The following COL14A1 variants were observed in gnomAD, a reference collection of about 807,000 sequenced individuals.
COL14A1 encodes the protein collagen alpha-1(XIV) chain.
Under a neutral mutation model 230.3 loss-of-function variants are expected in COL14A1, and 136 were observed. That is an observed-to-expected ratio of 0.59 (90% confidence interval 0.51 to 0.68). The LOEUF (loss-of-function observed/expected upper bound fraction) is 0.68, where lower values mean the gene tolerates loss of function less well. Ranked by LOEUF, COL14A1 falls within the 30% of genes least tolerant of loss-of-function variation. The pLI is 0.00. For missense variants in COL14A1, 1,976 were observed against 2,215.8 expected, an observed-to-expected ratio of 0.89 and a Z score of 2.17; for synonymous variants, 792 against 784.1, an observed-to-expected ratio of 1.01 and a Z score of -0.17.
At chr8:120,142,867 G>T (rs1193655100) in intron 1 of COL14A1, among the ~76,000 whole-genome samples, 1 of 152,082 alleles carries the variant, frequency 6.6e-6, no homozygotes, top group East Asian at 1.9e-4. Context: ...ATTTTTTTAT[G>T]AATGGTTGCT....
Position 120,134,305 on chromosome 8 carries a change from TAATA to T in COL14A1, c.-38+8966_-38+8969del, listed in dbSNP as rs1814639174. On this transcript the variant is annotated intron_variant, in intron 1 of 47. Transcript: ENST00000297848. Reference sequence around the variant, plus strand: ...TAAAGTTTTGATATTTACAATTACTTAATAGTCACACATAAATAGAAAATCGATA... The same window carrying T: ...TAAAGTTTTGATATTTACAATTACTTGTCACACATAAATAGAAAATCGATA... 2.6e-5 allele frequency among the ~76,000 whole-genome samples: 4 copies of T among 152,070 alleles called. No individual in the cohort carries two copies. The South Asian group carries it at 6.2e-4, about 24-fold the overall frequency.
chr8:120,179,136 A>G (rs1816382282), intron 5 of COL14A1, among the ~76,000 whole-genome samples: 1 of 152,152 alleles, frequency 6.6e-6, no homozygotes, highest in Non-Finnish European at 1.5e-5. Flanking sequence ...TGTTTTAGTC[A>G]TGAAGTCTTT....
intron 34 of COL14A1, among the ~76,000 whole-genome samples, chr8:120,289,974 C>A (rs994547095): frequency 1.3e-5 from 2 of 152,034 alleles, no homozygotes; most frequent in African/African-American, 2.4e-5. Context: ...ACATTCAAAG[C>A]TTGTGGTAGT....
chr8:120,329,527 C>T (rs1381193135), intron 40 of COL14A1, among the ~76,000 whole-genome samples: 1 of 152,112 alleles, frequency 6.6e-6, no homozygotes, highest in African/African-American at 2.4e-5. Context: ...GGATTTCTTG[C>T]ATCCAGGAGG....
chr8:120,282,637 A>G (rs1044438954), intron 31 of COL14A1, among the ~76,000 whole-genome samples: 2 of 152,220 alleles, frequency 1.3e-5, no homozygotes, highest in Non-Finnish European at 2.9e-5. Context: ...TTGCACATTT[A>G]TTTATTCAAT....
At chr8:120,137,438 T>C (rs1372697220) in intron 1 of COL14A1, among the ~76,000 whole-genome samples, 1 of 152,102 alleles carries the variant, frequency 6.6e-6, no homozygotes, top group East Asian at 1.9e-4. Flanking sequence ...TTTCTACTAA[T>C]GTTTTCTATT....
intron 34 of COL14A1, among the ~76,000 whole-genome samples, chr8:120,294,288 C>T (rs1586838788): frequency 6.6e-6 from 1 of 151,722 alleles, no homozygotes. Flanking sequence ...TTCCTGCTAA[C>T]ATTTGACCCC....
At position 120,332,198 on chromosome 8, in the gene COL14A1, A is replaced by G. The variant is rs369516602; in HGVS notation, c.4713+4A>G. On this transcript the variant is annotated splice_donor_region_variant and intron_variant, in intron 41 of 47. Transcript: ENST00000297848. ...TCCAGGACCACCAGGGCCAATAGTA[A>G]GCCTTTCCAGAAACTACTGGGACAT... 9.3e-6 allele frequency: 15 copies of G among 1,613,674 alleles called. No individual in the cohort carries two copies. In the African/African-American group the frequency reaches 2.0e-4, roughly 22 times the overall value.
intron 31 of COL14A1, among the ~76,000 whole-genome samples, chr8:120,282,083 C>A (rs1820056617): frequency 1.3e-5 from 2 of 152,064 alleles, no homozygotes; most frequent in Non-Finnish European, 2.9e-5. Context: ...TGGAACCAAC[C>A]CAAATGTCCA....
intron 17 of COL14A1, among the ~76,000 whole-genome samples, chr8:120,228,004 C>G (rs1456302407): frequency 6.6e-6 from 1 of 152,140 alleles, no homozygotes; most frequent in Non-Finnish European, 1.5e-5. Flanking sequence ...AAACTGAACC[C>G]TCAGCTAATC....
chr8:120,206,429 C>A (rs139250037), intron 9 of COL14A1, among the ~76,000 whole-genome samples: 1 of 152,348 alleles, frequency 6.6e-6, no homozygotes, highest in East Asian at 1.9e-4. Context: ...CGGCTCACTG[C>A]AACCTCTGCC....
intron 1 of COL14A1, among the ~76,000 whole-genome samples, chr8:120,144,496 C>T (rs553930597): frequency 1.4e-3 from 216 of 152,138 alleles, no homozygotes; most frequent in Non-Finnish European, 2.5e-3. Context: ...GTTCAGCATC[C>T]GTTCTTGATT....
At chr8:120,340,052 A>C (rs1822235411) in intron 42 of COL14A1, among the ~76,000 whole-genome samples, 1 of 151,260 alleles carries the variant, frequency 6.6e-6, no homozygotes, top group African/African-American at 2.4e-5. Context: ...AAAAAAAAAA[A>C]AAAAAAGTGT....
chr8:120,156,508 A>G (rs1815485830), intron 2 of COL14A1, among the ~76,000 whole-genome samples: 1 of 152,190 alleles, frequency 6.6e-6, no homozygotes. Context: ...TCAAAGAAAC[A>G]GTGCATTTCA....
chr8:120,199,293 TAA>T, intron 7 of COL14A1, 107 bp from the exon 8 acceptor site: 7 of 990,484 alleles, frequency 7.1e-6, no homozygotes, highest in East Asian at 6.3e-5. Context: ...TTGCATGTAA[TAA>T]AAAGTCTATG....
rs201657478 is a variant in COL14A1, at chr8:120,247,700, T to G, written c.2567T>G (p.Val856Gly). The G allele has an allele frequency of 2.9e-5, 47 of 1,614,044 alleles. No individual in the cohort carries two copies. Among genetic ancestry groups the G allele is most frequent in the Non-Finnish European group, 5.9e-6 (7 of 1,180,004 alleles). ...ACGTGGGACCCCCCATCTTCCCCGG[T>G]GAAAGGCTATAGAATTGTCTACAAA... ...RITWDPPSSPVKGYRIVYKPV... is the reference protein window; with the variant it reads ...RITWDPPSSPGKGYRIVYKPV... The change falls in exon 21 of 48, where the codon GTG becomes GGG. Residue 856 changes from valine to glycine, a missense_variant. Coordinates refer to ENST00000297848, the MANE Select transcript of COL14A1 (RefSeq NM_021110.4).
chr8:120,242,698 C>T (rs1297607923), intron 19 of COL14A1, among the ~76,000 whole-genome samples: 1 of 152,190 alleles, frequency 6.6e-6, no homozygotes, highest in African/African-American at 2.4e-5. Flanking sequence ...TCAATTCAGA[C>T]CTGTACATTT....
At chr8:120,195,954 A>G (rs1563665022) in intron 5 of COL14A1, among the ~76,000 whole-genome samples, 1 of 152,118 alleles carries the variant, frequency 6.6e-6, no homozygotes, top group Admixed American at 6.5e-5. Context: ...CCCCTAAAGA[A>G]ACACAGACCT....
At chr8:120,178,242 A>C (rs1586741338) in intron 5 of COL14A1, among the ~76,000 whole-genome samples, 1 of 152,130 alleles carries the variant, frequency 6.6e-6, no homozygotes, top group East Asian at 1.9e-4. Context: ...CCATCCTCTG[A>C]CAGGCCCTGG....
Sources: allele counts gnomAD v4.1 joint callset (sites outside exome capture counted in the v4.1 genomes callset), GRCh38; gene constraint gnomAD v4.1.1; transcripts MANE v1.5; gene names NCBI Gene and HGNC (gene_info 2026-07-23, HGNC 2026-07-21).